UHRF1: variants seen among roughly 807,000 people sequenced by gnomAD.
UHRF1 encodes ubiquitin like with PHD and ring finger domains 1.
A neutral mutation model predicts 96.5 loss-of-function variants in UHRF1; 9 were observed. That is an observed-to-expected ratio of 0.09 (90% confidence interval 0.06 to 0.16). The LOEUF is 0.16. UHRF1 is among the 10% of genes least tolerant of loss of function. UHRF1 has a pLI of 1.00. For missense variants in UHRF1, 626 were observed against 1,131.1 expected, an observed-to-expected ratio of 0.55 and a Z score of 6.40; for synonymous variants, 455 against 469.9, an observed-to-expected ratio of 0.97 and a Z score of 0.41.
In UHRF1 at chr19:4,913,228, T is replaced by C. The variant is rs531613158; in HGVS notation, c.153+2190T>C. On this transcript the variant is annotated intron_variant, in intron 2 of 16. Transcript: ENST00000650932. ...AGTGTGACAATGACAGGAACACGTATGTTAATTAGACATGTACATTGTGCT... is the reference window on the plus strand; with the variant it reads ...AGTGTGACAATGACAGGAACACGTACGTTAATTAGACATGTACATTGTGCT... 1.8e-4 allele frequency among the ~76,000 whole-genome samples: 28 copies of C among 151,668 alleles called. 1 individual carries two copies. The highest frequency in any genetic ancestry group is 6.5e-4 in the African/African-American group (27 of 41,300).
chr19:4,910,897 G>A lies in UHRF1; in HGVS notation c.12G>A (p.Gln4=). The A allele has an allele frequency of 6.2e-7, 1 of 1,612,450 alleles. No individual in the cohort carries two copies. The highest frequency in any genetic ancestry group is 8.5e-7 in the Non-Finnish European group (1 of 1,178,936). The change falls in exon 2 of 17, where the codon CAG becomes CAA. Residue 4 remains glutamine, a synonymous_variant. Coordinates refer to ENST00000650932, the MANE Select transcript of UHRF1 (RefSeq NM_001048201.3). MWI[Q]VRTMDGRQTH... Reference sequence around the variant, plus strand: ...TCAGCGCCGACACCATGTGGATCCAGGTTCGGACCATGGACGGGAGGCAGA... The same window carrying A: ...TCAGCGCCGACACCATGTGGATCCAAGTTCGGACCATGGACGGGAGGCAGA...
chr19:4,953,455 C>T (rs897653747), intron 13 of UHRF1, among the ~76,000 whole-genome samples: 4 of 152,088 alleles, frequency 2.6e-5, no homozygotes, highest in Admixed American at 6.6e-5. Flanking sequence ...CCTACTCTTG[C>T]ACTTTGGGGC....
chr19:4,951,975 G>T (rs1434239971), intron 13 of UHRF1, among the ~76,000 whole-genome samples: 1 of 152,142 alleles, frequency 6.6e-6, no homozygotes, highest in East Asian at 1.9e-4. Context: ...TACCCGAGGG[G>T]GTCACTCAGG....
chr19:4,958,982 G>GA lies in UHRF1; in HGVS notation c.2236-1668dup, dbSNP rs1399615838. 5.5e-5 allele frequency among the ~76,000 whole-genome samples: 8 copies of GA among 144,536 alleles called. No homozygotes were observed. In the South Asian group the frequency reaches 6.9e-4, roughly 12 times the overall value. 94.8% of individuals were successfully genotyped at this position (144,536 alleles called of 152,430 possible). A position where few individuals can be genotyped will look rare whatever the true frequency, so the allele number is the denominator to read the frequency against. ...GTCTCAAAAAAAAAAAAAAAAAATTGAAAAAAACATTCAGAGACAGCATCT... is the reference window on the plus strand; with the variant it reads ...GTCTCAAAAAAAAAAAAAAAAAATTGAAAAAAAACATTCAGAGACAGCATCT... On this transcript the variant is annotated intron_variant, in intron 16 of 16. Transcript: ENST00000650932.
chr19:4,904,286 C>T (rs773574591), intron 1 of UHRF1, among the ~76,000 whole-genome samples: 45 of 152,128 alleles, frequency 3.0e-4, no homozygotes, highest in Admixed American at 1.3e-4. Context: ...TCATGCCATT[C>T]TCCTGCCTCA....
Position 4,960,832 on chromosome 19 carries a change from G to A in UHRF1, c.*29G>A, listed in dbSNP as rs1300778757. On this transcript the variant is annotated 3_prime_UTR_variant, in exon 17 of 17. Coordinates refer to ENST00000650932, the MANE Select transcript of UHRF1 (RefSeq NM_001048201.3). ...CCAAGCACTTCTCGACAGGCGTTTTGCTGAAAACGTGTCGGAGGGCTCGTT... is the reference window on the plus strand; with the variant it reads ...CCAAGCACTTCTCGACAGGCGTTTTACTGAAAACGTGTCGGAGGGCTCGTT... 1 of 1,341,468 alleles carries A rather than the reference G, an allele frequency of 7.5e-7. No homozygotes were observed. Among genetic ancestry groups the A allele is most frequent in the South Asian group, 1.3e-5 (1 of 78,044 alleles). 83.1% of individuals were successfully genotyped at this position (1,341,468 alleles called of 1,614,324 possible).
At chr19:4,952,919 C>G (rs970770052) in intron 13 of UHRF1, among the ~76,000 whole-genome samples, 1 of 152,086 alleles carries the variant, frequency 6.6e-6, no homozygotes, top group African/African-American at 2.4e-5. Context: ...AACAGTCATG[C>G]TCATTCACTG....
intron 2 of UHRF1, among the ~76,000 whole-genome samples, chr19:4,927,380 C>CAAAAAAA (rs35783129): frequency 3.6e-5 from 3 of 83,500 alleles, no homozygotes; most frequent in Non-Finnish European, 6.7e-5. Flanking sequence ...GACTCCATCT[C>CAAAAAAA]AAAAAAAAAA....
chr19:4,954,959 C>A lies in UHRF1; in HGVS notation c.2130+137C>A. The A allele has an allele frequency of 9.8e-7, 1 of 1,018,288 alleles. No homozygotes were observed. Among genetic ancestry groups the A allele is most frequent in the Non-Finnish European group, 1.4e-6 (1 of 695,248 alleles). 63.1% of individuals were successfully genotyped at this position (1,018,288 alleles called of 1,614,324 possible). A position where few individuals can be genotyped will look rare whatever the true frequency, so the allele number is the denominator to read the frequency against. Reference sequence around the variant, plus strand: ...TACATTCTTGTGGTTGTGCAACCATCACCACCATCACCACCTCCAGAACTT... The same window carrying A: ...TACATTCTTGTGGTTGTGCAACCATAACCACCATCACCACCTCCAGAACTT... On this transcript the variant is annotated intron_variant, in intron 15 of 16. Transcript: ENST00000650932. The surrounding 1 kb of genome is among the most constrained non-coding windows in gnomAD (Gnocchi z 5.9).
At position 4,921,830 on chromosome 19, in the gene UHRF1, A is replaced by G. The variant is rs966394719; in HGVS notation, c.154-7392A>G. Among the ~76,000 whole-genome samples the G allele has an allele frequency of 9.9e-5, 15 of 152,224 alleles. No homozygotes were observed. The East Asian group carries it at 1.9e-3, about 19-fold the overall frequency. ...CAAGTAACAGGGTTACCGTAATGAC[A>G]TGGATGGAATCTGAACCCAGCAAGA... On this transcript the variant is annotated intron_variant, in intron 2 of 16. Coordinates refer to ENST00000650932, the MANE Select transcript of UHRF1 (RefSeq NM_001048201.3).
At chr19:4,943,039 G>A (rs572664372) in intron 7 of UHRF1, among the ~76,000 whole-genome samples, 2 of 151,812 alleles carry the variant, frequency 1.3e-5, no homozygotes, top group East Asian at 2.0e-4. Context: ...GGAAATTGAG[G>A]CCAGCCTGGC....
At chr19:4,943,464 C>G (rs1311853771) in intron 7 of UHRF1, among the ~76,000 whole-genome samples, 5 of 151,052 alleles carry the variant, frequency 3.3e-5, no homozygotes, top group Non-Finnish European at 5.9e-5. Flanking sequence ...GGTCATTCCT[C>G]CAGCACAGAA....
At chr19:4,948,967 C>CAAAAAAAAAA (rs55757803) in intron 11 of UHRF1, among the ~76,000 whole-genome samples, 155 of 50,420 alleles carry the variant, frequency 3.1e-3, no homozygotes, top group African/African-American at 3.6e-3. Flanking sequence ...ACTAAGAATA[C>CAAAAAAAAAA]AAAAAAAAAA....
intron 11 of UHRF1, among the ~76,000 whole-genome samples, chr19:4,948,062 C>T (rs1158108650): frequency 1.3e-5 from 2 of 149,294 alleles, no homozygotes; most frequent in East Asian, 3.9e-4. Context: ...TGAGATTGCA[C>T]CACTGCACTC....
At chr19:4,928,757 A>G (rs1378096887) in intron 2 of UHRF1, among the ~76,000 whole-genome samples, 1 of 151,944 alleles carries the variant, frequency 6.6e-6, no homozygotes, top group African/African-American at 2.4e-5. Flanking sequence ...GCCTCCACCC[A>G]CTCCATGCTA....
At position 4,950,580 on chromosome 19, in the gene UHRF1, A is replaced by G. The variant is rs747155979; in HGVS notation, c.1518-31A>G. 26 of 1,602,842 alleles carry G rather than the reference A, an allele frequency of 1.6e-5. No individual in the cohort carries two copies. In the South Asian group the frequency reaches 2.2e-4, roughly 14 times the overall value. On this transcript the variant is annotated intron_variant, in intron 11 of 16. Transcript: ENST00000650932. ...TTTTTTGGGGGGTACATCCTCACCT[A>G]TAATGCGTGGGGTCCTGACTCTCCC...
intron 5 of UHRF1, 100 bp downstream of exon 5, chr19:4,933,056 C>G: frequency 1.5e-6 from 2 of 1,320,734 alleles, no homozygotes; most frequent in Non-Finnish European, 2.1e-6. Context: ...GCTGTGTGTG[C>G]GAGGCCCTTA....
intron 4 of UHRF1, among the ~76,000 whole-genome samples, chr19:4,931,933 GT>G (rs1385330255): frequency 2.0e-5 from 3 of 151,866 alleles, no homozygotes; most frequent in Admixed American, 6.6e-5. Flanking sequence ...GCTAATTTTT[GT>G]TTTTGTTTTG....
chr19:4,904,552 A>AGT (rs2032025572), upstream of UHRF1, among the ~76,000 whole-genome samples: 1 of 151,510 alleles, frequency 6.6e-6, no homozygotes, highest in Non-Finnish European at 1.5e-5. Context: ...TGACCTCATG[A>AGT]TCCACCCGCC....
Sources: allele counts gnomAD v4.1 joint callset (sites outside exome capture counted in the v4.1 genomes callset), GRCh38; gene constraint gnomAD v4.1.1; non-coding constraint Gnocchi (gnomAD v3.1); transcripts MANE v1.5; gene names NCBI Gene and HGNC (gene_info 2026-07-23, HGNC 2026-07-21).